Variants in MEI4 observed in about 807,000 individuals in gnomAD.
The protein encoded by MEI4 is meiosis-specific protein MEI4.
Under a neutral mutation model 31.4 loss-of-function variants are expected in MEI4, and 27 were observed. The ratio of observed to expected loss-of-function variants is 0.86; its 90% CI spans 0.63 to 1.19. The LOEUF (loss-of-function observed/expected upper bound fraction) is 1.19, where lower values mean the gene tolerates loss of function less well. Ranked by LOEUF, MEI4 falls within the 50% of genes most tolerant of loss-of-function variation. The probability of loss-of-function intolerance (pLI) is 0.00; values close to 1 mark genes in which losing one functional copy is unlikely to be tolerated. For missense variants in MEI4, 329 were observed against 398.9 expected (o/e 0.82, Z 1.49); for synonymous variants, 122 against 145.4 (o/e 0.84, Z 1.16).
intron 2 of MEI4, among the ~76,000 whole-genome samples, chr6:77,746,178 C>T (rs1767596646): frequency 1.3e-5 from 2 of 152,252 alleles, no homozygotes; most frequent in East Asian, 1.9e-4. Context: ...CTACTGAATC[C>T]AGGAGCCGGT....
At chr6:77,915,057 GT>G (rs1766513692) in intron 4 of MEI4, among the ~76,000 whole-genome samples, 1 of 151,946 alleles carries the variant, frequency 6.6e-6, no homozygotes, top group African/African-American at 2.4e-5. Flanking sequence ...TATATTCAAG[GT>G]TGTTATTAAT....
At chr6:77,887,951 T>C (rs1771664101) in intron 4 of MEI4, among the ~76,000 whole-genome samples, 2 of 152,228 alleles carry the variant, frequency 1.3e-5, no homozygotes, top group South Asian at 4.1e-4. Flanking sequence ...TGCTTCAGTG[T>C]TGGGTGCATG....
intron 1 of MEI4, among the ~76,000 whole-genome samples, chr6:77,675,863 T>C (rs1397372644): frequency 2.6e-5 from 4 of 152,226 alleles, no homozygotes; most frequent in Non-Finnish European, 5.9e-5. Flanking sequence ...AGGCTTCGGA[T>C]ACAATTTCAG....
chr6:77,730,508 G>C (rs2127667019), intron 2 of MEI4, among the ~76,000 whole-genome samples: 1 of 151,998 alleles, frequency 6.6e-6, no homozygotes, highest in South Asian at 2.1e-4. Flanking sequence ...CCTCTTATCA[G>C]CTCCCAGTTT....
At chr6:77,792,097 TC>T (rs1245303822) in intron 3 of MEI4, among the ~76,000 whole-genome samples, 1 of 152,316 alleles carries the variant, frequency 6.6e-6, no homozygotes, top group African/African-American at 2.4e-5. Flanking sequence ...TCCAGGTTCA[TC>T]CATGTTATTG....
chr6:77,916,760 CTAATTCT>C (rs1185864367), intron 4 of MEI4, among the ~76,000 whole-genome samples: 4 of 69,750 alleles, frequency 5.7e-5, no homozygotes, highest in Non-Finnish European at 1.0e-4. Flanking sequence ...GGCTGCACCT[CTAATTCT>C]TTTTTTTTTT....
At chr6:77,862,904 A>G (rs1770903547) in intron 4 of MEI4, among the ~76,000 whole-genome samples, 1 of 152,158 alleles carries the variant, frequency 6.6e-6, no homozygotes, top group South Asian at 2.1e-4. Context: ...AGGCAGCAAC[A>G]TTGGCTGTTC....
chr6:77,684,543 A>C (rs1039670259), intron 1 of MEI4, among the ~76,000 whole-genome samples: 1 of 151,714 alleles, frequency 6.6e-6, no homozygotes, highest in African/African-American at 2.4e-5. Context: ...TCTACTCTCT[A>C]TGTCCAAGAG....
intron 1 of MEI4, among the ~76,000 whole-genome samples, chr6:77,663,480 C>T (rs1006700664): frequency 9.2e-5 from 14 of 152,022 alleles, no homozygotes; most frequent in African/African-American, 2.9e-4. Flanking sequence ...TAGCTGTAGT[C>T]CAGGAATAGT....
At chr6:77,745,276 C>T (rs201083532) in intron 2 of MEI4, among the ~76,000 whole-genome samples, 10 of 151,996 alleles carry the variant, frequency 6.6e-5, no homozygotes, top group Admixed American at 1.3e-4. Context: ...TGGAGGAAGA[C>T]CTACCAAGCA....
intron 4 of MEI4, among the ~76,000 whole-genome samples, chr6:77,875,126 C>A (rs1281692731): frequency 6.6e-6 from 1 of 152,170 alleles, no homozygotes; most frequent in African/African-American, 2.4e-5. Context: ...ACTCTCAAGG[C>A]CTTCAGCTTC....
At chr6:77,914,755 A>G (rs1423718220) in intron 4 of MEI4, among the ~76,000 whole-genome samples, 1 of 152,104 alleles carries the variant, frequency 6.6e-6, no homozygotes, top group African/African-American at 2.4e-5. Context: ...TCTGTAGACA[A>G]TGGTGTTGGG....
intron 2 of MEI4, among the ~76,000 whole-genome samples, chr6:77,736,515 C>T (rs1433656851): frequency 6.6e-6 from 1 of 152,048 alleles, no homozygotes; most frequent in East Asian, 1.9e-4. Flanking sequence ...CGCGCACACA[C>T]TGACCTGCGC....
intron 4 of MEI4, among the ~76,000 whole-genome samples, chr6:77,913,763 G>C (rs9448251): frequency 6.7e-6 from 1 of 150,132 alleles, no homozygotes; most frequent in Admixed American, 6.6e-5. Flanking sequence ...GCCCGGGCAC[G>C]GTGGCTCACT....
chr6:77,759,222 A>C (rs1767988972), intron 2 of MEI4, among the ~76,000 whole-genome samples: 1 of 151,992 alleles, frequency 6.6e-6, no homozygotes, highest in Non-Finnish European at 1.5e-5. Context: ...TGTACCTTTT[A>C]AATTGTTCCT....
intron 4 of MEI4, among the ~76,000 whole-genome samples, chr6:77,861,426 G>T (rs1281797718): frequency 6.6e-6 from 1 of 151,702 alleles, no homozygotes; most frequent in African/African-American, 2.4e-5. Context: ...TTTTAATTTT[G>T]GTTTTTGGAT....
intron 4 of MEI4, among the ~76,000 whole-genome samples, chr6:77,911,653 T>C (rs1246885338): frequency 1.3e-5 from 2 of 150,956 alleles, no homozygotes; most frequent in East Asian, 1.9e-4. Context: ...TTTGTTCTCT[T>C]TTTATAGCTG....
chr6:77,666,680 T>C (rs1405136131), intron 1 of MEI4, among the ~76,000 whole-genome samples: 1 of 152,210 alleles, frequency 6.6e-6, no homozygotes, highest in Non-Finnish European at 1.5e-5. Flanking sequence ...CCTGCTCTTC[T>C]AGCCGTTATG....
intron 4 of MEI4, among the ~76,000 whole-genome samples, chr6:77,868,428 T>A (rs1308574621): frequency 7.0e-6 from 1 of 143,298 alleles, no homozygotes; most frequent in African/African-American, 2.5e-5. Context: ...TTAGTTTGAC[T>A]GCAGAGCTTC....
Sources: allele counts gnomAD v4.1 joint callset (sites outside exome capture counted in the v4.1 genomes callset), GRCh38; gene constraint gnomAD v4.1.1; transcripts MANE v1.5; gene names NCBI Gene and HGNC (gene_info 2026-07-23, HGNC 2026-07-21).